Variants in MAP3K7 observed in about 807,000 individuals in gnomAD.
MAP3K7 encodes the protein mitogen-activated protein kinase kinase kinase 7.
A neutral mutation model predicts 84.8 loss-of-function variants in MAP3K7; 21 were observed. The observed-to-expected ratio is 0.25, with a 90% CI of 0.18 to 0.36. The LOEUF (loss-of-function observed/expected upper bound fraction) is 0.36, where lower values mean the gene tolerates loss of function less well. Among genes scored for constraint, MAP3K7 ranks in the 10% least tolerant of loss-of-function variants. MAP3K7 has a pLI of 1.00. For synonymous variants in MAP3K7, 241 were observed against 247.7 expected, an observed-to-expected ratio of 0.97 and a Z score of 0.25; for missense variants, 503 against 747.7, an observed-to-expected ratio of 0.67 and a Z score of 3.82.
At chr6:90,577,605 C>A (rs778125838) in intron 1 of MAP3K7, among the ~76,000 whole-genome samples, 4 of 152,122 alleles carry the variant, frequency 2.6e-5, no homozygotes, top group Non-Finnish European at 5.9e-5. Flanking sequence ...AATATGGTAG[C>A]AGGCAAACTA....
At chr6:90,555,448 G>A (rs1776306297) in intron 6 of MAP3K7, among the ~76,000 whole-genome samples, 1 of 151,950 alleles carries the variant, frequency 6.6e-6, no homozygotes, top group African/African-American at 2.4e-5. Flanking sequence ...GTAGAGATGG[G>A]GTTTCACCGT....
chr6:90,556,264 T>A (rs1214640732), intron 6 of MAP3K7, among the ~76,000 whole-genome samples: 1 of 152,218 alleles, frequency 6.6e-6, no homozygotes, highest in Non-Finnish European at 1.5e-5. Context: ...ATTTTGCAAT[T>A]AAGAAATTGG....
At chr6:90,522,571 G>A (rs369423567) in intron 14 of MAP3K7, among the ~76,000 whole-genome samples, 9 of 152,210 alleles carry the variant, frequency 5.9e-5, no homozygotes, top group African/African-American at 1.4e-4. Context: ...CATGTGCTGC[G>A]TAGTGGTGAA....
intron 1 of MAP3K7, among the ~76,000 whole-genome samples, chr6:90,575,280 T>TA (rs1457472159): frequency 2.0e-5 from 3 of 152,108 alleles, no homozygotes; most frequent in Non-Finnish European, 2.9e-5. Context: ...TTTAAACACT[T>TA]ACCAGCTGAA....
chr6:90,552,208 A>G, intron 7 of MAP3K7, 29 bp from the exon 8 acceptor site: 1 of 1,577,084 alleles, frequency 6.3e-7, no homozygotes, highest in African/African-American at 1.3e-5. Context: ...GGAAGGGGGG[A>G]AGAATGTATT....
At chr6:90,521,399 T>G (rs1269067078) in intron 14 of MAP3K7, among the ~76,000 whole-genome samples, 4 of 152,052 alleles carry the variant, frequency 2.6e-5, no homozygotes, top group Admixed American at 6.6e-5. Context: ...CACTTGTTAC[T>G]ATCTCATATT....
intron 13 of MAP3K7, among the ~76,000 whole-genome samples, chr6:90,525,552 GACA>G (rs913918486): frequency 9.9e-5 from 15 of 151,198 alleles, no homozygotes; most frequent in Non-Finnish European, 2.2e-4. Context: ...AAGGAAAAAG[GACA>G]TATCCACCAT....
intron 13 of MAP3K7, among the ~76,000 whole-genome samples, chr6:90,529,720 TAGTC>T (rs1031705359): frequency 5.6e-4 from 85 of 152,202 alleles, no homozygotes; most frequent in African/African-American, 1.5e-3. Flanking sequence ...TTTGGCTGTA[TAGTC>T]AGTTCCTACT....
At chr6:90,552,002 A>G (rs1582202775) in intron 8 of MAP3K7, 47 bp downstream of exon 8, 1 of 1,565,078 alleles carries the variant, frequency 6.4e-7, no homozygotes, top group African/African-American at 1.4e-5. Flanking sequence ...AACTCAGCAC[A>G]TATTAAATTC....
intron 2 of MAP3K7, among the ~76,000 whole-genome samples, chr6:90,570,805 T>C (rs953846728): frequency 3.3e-5 from 5 of 152,204 alleles, no homozygotes; most frequent in Non-Finnish European, 5.9e-5. Flanking sequence ...CAGGAAATGA[T>C]CAATAGCTTT....
chr6:90,568,614 A>G lies in MAP3K7; in HGVS notation c.241T>C (p.Leu81=), dbSNP rs1181020797. Residue 81 remains leucine (L), a synonymous_variant, in exon 3 of 17, where the codon TTA becomes CTA. Coordinates refer to ENST00000369329, the MANE Select transcript of MAP3K7 (RefSeq NM_145331.3). ...RKAFIVELRQ[L]SRVNHPNIVK... ...ATATTAGGATGGTTCACACGGGATA[A>G]CTGCCGAAGCTGTTAAGAAATTAAG... 6.2e-7 allele frequency: 1 copy of G among 1,608,248 alleles called. No homozygotes were observed. Among genetic ancestry groups the G allele is most frequent in the Non-Finnish European group, 8.5e-7 (1 of 1,178,440 alleles).
At chr6:90,550,844 A>G (rs560034399) in intron 8 of MAP3K7, 3 of 231,882 alleles carry the variant, frequency 1.3e-5, no homozygotes, top group East Asian at 2.1e-4. Context: ...AAACATACTC[A>G]TGTTCTTACA....
intron 1 of MAP3K7, among the ~76,000 whole-genome samples, chr6:90,577,385 CGTGA>C (rs1424713780): frequency 1.3e-5 from 2 of 151,986 alleles, no homozygotes; most frequent in African/African-American, 4.8e-5. Flanking sequence ...AAGGTAGAAA[CGTGA>C]GTGAGAGGAT....
intron 1 of MAP3K7, among the ~76,000 whole-genome samples, chr6:90,585,701 G>T (rs1245741161): frequency 1.3e-5 from 2 of 152,000 alleles, no homozygotes; most frequent in Non-Finnish European, 2.9e-5. Context: ...GAAATATCTT[G>T]TTCTAAAATA....
rs780006096 is a variant in MAP3K7 at position 90,550,455 on chromosome 6, T to C, written c.949+13A>G. 5 of 1,561,972 alleles carry C rather than the reference T, an allele frequency of 3.2e-6. No homozygotes were observed. The highest frequency in any genetic ancestry group is 4.4e-6 in the Non-Finnish European group (5 of 1,137,086). ...AAAAATCAAGTCAATACTCTTCCAA[T>C]CTATCCATTTACCTGTACTGGTGGC... On this transcript the variant is annotated intron_variant, in intron 9 of 16. Transcript: ENST00000369329.
At chr6:90,564,214 A>G (rs1383313598) in intron 3 of MAP3K7, among the ~76,000 whole-genome samples, 1 of 152,214 alleles carries the variant, frequency 6.6e-6, no homozygotes, top group Non-Finnish European at 1.5e-5. Context: ...ATTCACACAT[A>G]ACAATATTCA....
At chr6:90,523,106 G>A (rs1775206067) in intron 14 of MAP3K7, among the ~76,000 whole-genome samples, 1 of 152,102 alleles carries the variant, frequency 6.6e-6, no homozygotes, top group Admixed American at 6.5e-5. Flanking sequence ...ATTGTGAACA[G>A]TTAGTTATTC....
chr6:90,582,287 A>T (rs930845882), intron 1 of MAP3K7, among the ~76,000 whole-genome samples: 1 of 152,220 alleles, frequency 6.6e-6, no homozygotes, highest in Non-Finnish European at 1.5e-5. Context: ...CTCCTATTTT[A>T]TCACATGTAA....
intron 2 of MAP3K7, among the ~76,000 whole-genome samples, chr6:90,571,343 AAAGT>A (rs1776893703): frequency 6.6e-6 from 1 of 152,144 alleles, no homozygotes; most frequent in Non-Finnish European, 1.5e-5. Flanking sequence ...CATTCCATTT[AAAGT>A]AAGTGTATAA....
Sources: allele counts gnomAD v4.1 joint callset (sites outside exome capture counted in the v4.1 genomes callset), GRCh38; gene constraint gnomAD v4.1.1; transcripts MANE v1.5; gene names NCBI Gene and HGNC (gene_info 2026-07-23, HGNC 2026-07-21).